MEGF11: variants seen among roughly 807,000 people sequenced by gnomAD.
MEGF11 encodes the protein multiple epidermal growth factor-like domains protein 11.
MEGF11 carries 126 observed loss-of-function variants against 146.6 expected under a neutral mutation model. That is an observed-to-expected ratio of 0.86 (90% CI 0.74 to 1.00). MEGF11 has a LOEUF of 1.00. Ranked by LOEUF, MEGF11 falls within the 50% of genes least tolerant of loss-of-function variation. MEGF11 has a pLI of 0.00. For synonymous variants in MEGF11, 532 were observed against 583.4 expected, an observed-to-expected ratio of 0.91 and a Z score of 1.27; for missense variants, 1,509 against 1,521.2, an observed-to-expected ratio of 0.99 and a Z score of 0.13.
intron 1 of MEGF11, among the ~76,000 whole-genome samples, chr15:66,195,586 G>A (rs953602723): frequency 1.3e-5 from 2 of 152,214 alleles, no homozygotes; most frequent in Admixed American, 6.5e-5. Flanking sequence ...ATAGGCCAGC[G>A]CTGCAGGCAA....
At chr15:66,097,752 CAAAA>C (rs59635353) in intron 4 of MEGF11, among the ~76,000 whole-genome samples, 2 of 138,966 alleles carry the variant, frequency 1.4e-5, no homozygotes, top group Non-Finnish European at 1.5e-5. Context: ...CAAAAAACTA[CAAAA>C]AAAAAAAAAA....
intron 5 of MEGF11, among the ~76,000 whole-genome samples, chr15:66,073,583 G>A (rs74814038): frequency 0.018 from 2,696 of 152,258 alleles, 83 homozygotes; most frequent in African/African-American, 0.06. Flanking sequence ...CACTCTCTCC[G>A]TTTTTCAATG....
intron 5 of MEGF11, among the ~76,000 whole-genome samples, chr15:66,012,892 C>G (rs546128610): frequency 6.6e-6 from 1 of 152,234 alleles, no homozygotes; most frequent in South Asian, 2.1e-4. Flanking sequence ...GGCCAGCCCC[C>G]GCACAGGGGT....
chr15:66,066,392 T>C (rs1281176633), intron 5 of MEGF11, among the ~76,000 whole-genome samples: 1 of 152,224 alleles, frequency 6.6e-6, no homozygotes, highest in Non-Finnish European at 1.5e-5. Flanking sequence ...AGTGTTTCTC[T>C]AGAATTGCTG....
intron 24 of MEGF11, chr15:65,905,833 G>T: frequency 2.5e-6 from 1 of 394,600 alleles, no homozygotes; most frequent in Non-Finnish European, 4.5e-6. Flanking sequence ...CATTTAGTTG[G>T]CATCTATAAA....
rs534935340 is a variant in MEGF11 at position 65,902,735 on chromosome 15, G to C, written c.3055+3350C>G. ...CTTGTCATTTGCATCAGGATTGGCG[G>C]CTTGGTCCTGTAATGCCCTGGCATT... On this transcript the variant is annotated intron_variant, in intron 24 of 25. Transcript: ENST00000395614. Among the ~76,000 whole-genome samples, 50 of 152,334 alleles carry C rather than the reference G, an allele frequency of 3.3e-4. No homozygotes were observed. The South Asian group carries it at 9.3e-3, about 28-fold the overall frequency.
At chr15:65,980,438 C>T (rs1418212574) in intron 7 of MEGF11, among the ~76,000 whole-genome samples, 1 of 117,684 alleles carries the variant, frequency 8.5e-6, no homozygotes, top group African/African-American at 3.3e-5. Context: ...GAGTCTCACT[C>T]TGTTGCCCAG....
rs766497251 is a variant in MEGF11, at chr15:66,123,971, G to A, written c.128C>T (p.Ala43Val). The change falls in exon 3 of 26, where the codon GCA becomes GTA. Residue 43 changes from alanine to valine, a missense_variant. Coordinates refer to ENST00000395614, the MANE Select transcript of MEGF11 (RefSeq NM_001385028.1). Reference protein sequence around the residue: ...SYAVTVQESYAHPFDQIYYTR... With the variant: ...SYAVTVQESYVHPFDQIYYTR... ...GTAATAGATCTGATCGAAGGGGTGTGCATACGATTCCTGGACAGTCACAGC... is the reference window on the plus strand; with the variant it reads ...GTAATAGATCTGATCGAAGGGGTGTACATACGATTCCTGGACAGTCACAGC... 2.5e-6 allele frequency: 4 copies of A among 1,613,936 alleles called. No homozygotes were observed. Among genetic ancestry groups the A allele is most frequent in the Admixed American group, 1.7e-5 (1 of 60,026 alleles).
At chr15:65,900,728 A>G (rs996503312) in intron 24 of MEGF11, among the ~76,000 whole-genome samples, 1 of 152,254 alleles carries the variant, frequency 6.6e-6, no homozygotes, top group Admixed American at 6.5e-5. Context: ...CAAACTCTGT[A>G]GAACCAGGCT....
intron 1 of MEGF11, among the ~76,000 whole-genome samples, chr15:66,173,800 A>G (rs2090324328): frequency 6.6e-6 from 1 of 152,188 alleles, no homozygotes; most frequent in African/African-American, 2.4e-5. Context: ...CACAGGAGTC[A>G]TTCACTGCAG....
chr15:66,157,219 C>A (rs144193406), intron 1 of MEGF11, among the ~76,000 whole-genome samples: 2 of 152,214 alleles, frequency 1.3e-5, no homozygotes, highest in African/African-American at 4.8e-5. Context: ...CTAGTGACAT[C>A]TCCACGGGCA....
intron 5 of MEGF11, among the ~76,000 whole-genome samples, chr15:65,995,634 GT>G (rs1192582712): frequency 6.6e-6 from 1 of 152,212 alleles, no homozygotes; most frequent in Non-Finnish European, 1.5e-5. Flanking sequence ...TTTGCAGGTG[GT>G]TTTACTCCAG....
intron 1 of MEGF11, among the ~76,000 whole-genome samples, chr15:66,220,836 C>T (rs1355308913): frequency 6.6e-6 from 1 of 152,126 alleles, no homozygotes. Flanking sequence ...CATGCCCAGC[C>T]ACAGGAGTCG....
intron 15 of MEGF11, 99 bp downstream of exon 15, chr15:65,922,239 A>T: frequency 6.9e-7 from 1 of 1,445,406 alleles, no homozygotes; most frequent in Non-Finnish European, 9.4e-7. Flanking sequence ...AGCTACCTCC[A>T]TAGCGTATGA....
chr15:65,989,262 C>G (rs28411723), intron 5 of MEGF11, among the ~76,000 whole-genome samples: 12,878 of 152,164 alleles, frequency 0.085, 714 homozygotes, highest in African/African-American at 0.14. Context: ...ACCCAGCAAG[C>G]AGGAGGAGTT....
intron 4 of MEGF11, among the ~76,000 whole-genome samples, chr15:66,117,670 CT>C (rs1291882069): frequency 2.6e-5 from 4 of 152,122 alleles, no homozygotes; most frequent in Admixed American, 2.6e-4. Flanking sequence ...TGTCCTACCC[CT>C]GGTCTCATTT....
intron 1 of MEGF11, among the ~76,000 whole-genome samples, chr15:66,168,115 T>C (rs561149582): frequency 6.6e-6 from 1 of 152,060 alleles, no homozygotes; most frequent in South Asian, 2.1e-4. Flanking sequence ...TGCATTCCAG[T>C]CCCGCCAGCT....
At chr15:65,964,795 C>T in intron 9 of MEGF11, 113 bp downstream of exon 9, 1 of 1,045,990 alleles carries the variant, frequency 9.6e-7, no homozygotes, top group East Asian at 2.6e-5. Context: ...TAGCCCTTTC[C>T]CCCACCTGCC....
chr15:66,094,535 C>A, intron 4 of MEGF11, 41 bp from the exon 5 acceptor site: 1 of 1,499,206 alleles, frequency 6.7e-7, no homozygotes, highest in Non-Finnish European at 9.1e-7. Context: ...CCAGAACAAA[C>A]AGTGAAAACC....
Sources: gnomAD v4.1 joint callset for allele counts (sites outside exome capture counted in the v4.1 genomes callset) on GRCh38, gnomAD v4.1.1 for gene constraint, MANE v1.5 for transcripts, NCBI Gene and HGNC (gene_info 2026-07-23, HGNC 2026-07-21) for gene names.